Variants in NET1 observed in about 807,000 individuals in gnomAD.
NET1 encodes neuroepithelial cell-transforming gene 1 protein.
In NET1, 42 loss-of-function variants were observed where a neutral mutation model predicts 61.1. The observed-to-expected ratio is 0.69, with a 90% CI of 0.54 to 0.89. NET1 has a LOEUF of 0.89. Ranked by LOEUF, NET1 falls within the 40% of genes least tolerant of loss-of-function variation. NET1 has a pLI of 0.00. For missense variants in NET1, 654 were observed against 747.3 expected (o/e 0.88, Z 1.46); for synonymous variants, 254 against 281.8 (o/e 0.90, Z 0.99).
chr10:5,421,120 A>G lies in NET1; in HGVS notation c.129-5535A>G, dbSNP rs1832168841. Among the ~76,000 whole-genome samples, 1 of 152,238 alleles carries G rather than the reference A, an allele frequency of 6.6e-6. No homozygotes were observed. Among genetic ancestry groups the G allele is most frequent in the African/African-American group, 2.4e-5 (1 of 41,464 alleles). ...ACGTTTAAAGATTTTAGGCATTAAA[A>G]GCAGTCAGACTTCCTAGGTTCAAAT... On this transcript the variant is annotated intron_variant, in intron 1 of 11. Coordinates refer to ENST00000355029, the MANE Select transcript of NET1 (RefSeq NM_001047160.3). This position sits in a 1 kb window ranked among gnomAD's most constrained non-coding sequence, Gnocchi z 4.2.
At chr10:5,448,671 G>GTTTTTT (rs1221324010) in intron 3 of NET1, among the ~76,000 whole-genome samples, 2 of 29,670 alleles carry the variant, frequency 6.7e-5, no homozygotes, top group Admixed American at 5.2e-4. Context: ...TGGATTTTTG[G>GTTTTTT]ATTTTTTTTT....
chr10:5,431,899 T>C lies in NET1; in HGVS notation c.255+2670T>C, dbSNP rs1394044853. 1.3e-5 allele frequency among the ~76,000 whole-genome samples: 2 copies of C among 152,196 alleles called. No individual in the cohort carries two copies. The highest frequency in any genetic ancestry group is 4.8e-5 in the African/African-American group (2 of 41,450). On this transcript the variant is annotated intron_variant, in intron 3 of 11. Coordinates refer to ENST00000355029, the MANE Select transcript of NET1 (RefSeq NM_001047160.3). The surrounding 1 kb of genome is among the most constrained non-coding windows in gnomAD (Gnocchi z 4.9). ...GATTACAGGCATGAGCCACCACGCC[T>C]GGCCTCATTTCAGTTATTCTTACTG... is the stretch of plus-strand genomic sequence containing the variant.
Position 5,457,062 on chromosome 10 carries a change from CGTAAG to C in NET1, c.*70_*74del. The C allele has an allele frequency of 7.0e-7, 1 of 1,437,618 alleles. No homozygotes were observed. Among genetic ancestry groups the C allele is most frequent in the Non-Finnish European group, 9.3e-7 (1 of 1,080,100 alleles). The allele number at this position is 1,437,618 out of a possible 1,614,324, so 89.1% of individuals were successfully genotyped here. Reference sequence around the variant, plus strand: ...ATAAATGTGTACAGTTTTGTTTTCTCGTAAGGGGAGCATCATAGGGTTACTTTATA... The same window carrying C: ...ATAAATGTGTACAGTTTTGTTTTCTCGGGAGCATCATAGGGTTACTTTATA... On this transcript the variant is annotated 3_prime_UTR_variant, in exon 12 of 12. Transcript: ENST00000355029. The surrounding 1 kb of genome is among the most constrained non-coding windows in gnomAD (Gnocchi z 5.4).
rs1420462848 is a variant in NET1, at chr10:5,421,651, G to A, written c.129-5004G>A. ...ACTATGTTTTTAAATAGTTTATTGA[G>A]ATATGATTTGTATATCATAACATTC... On this transcript the variant is annotated intron_variant, in intron 1 of 11. Coordinates refer to ENST00000355029, the MANE Select transcript of NET1 (RefSeq NM_001047160.3). This position sits in a 1 kb window ranked among gnomAD's most constrained non-coding sequence, Gnocchi z 4.2. 2.0e-5 allele frequency among the ~76,000 whole-genome samples: 3 copies of A among 152,184 alleles called. No homozygotes were observed. Among genetic ancestry groups the A allele is most frequent in the African/African-American group, 7.2e-5 (3 of 41,436 alleles).
rs1241699447 is a variant in NET1, at chr10:5,415,969, A to G, written c.128+3149A>G. On this transcript the variant is annotated intron_variant, in intron 1 of 11. Transcript: ENST00000355029. This position sits in a 1 kb window ranked among gnomAD's most constrained non-coding sequence, Gnocchi z 4.7. ...GTCACATCCAAGAAATCACTGCTAA[A>G]TCCATTGTTATGAATCCTTTCCCCA... Among the ~76,000 whole-genome samples, 1 of 152,196 alleles carries G rather than the reference A, an allele frequency of 6.6e-6. No individual in the cohort carries two copies. The highest frequency in any genetic ancestry group is 2.4e-5 in the African/African-American group (1 of 41,446).
chr10:5,416,998 T>C lies in NET1; in HGVS notation c.128+4178T>C, dbSNP rs1000642379. Among the ~76,000 whole-genome samples the C allele has an allele frequency of 2.6e-5, 4 of 152,210 alleles. No individual in the cohort carries two copies. The highest frequency in any genetic ancestry group is 9.6e-5 in the African/African-American group (4 of 41,462). On this transcript the variant is annotated intron_variant, in intron 1 of 11. Transcript: ENST00000355029. This position sits in a 1 kb window ranked among gnomAD's most constrained non-coding sequence, Gnocchi z 6.1. ...TGTACTGGAACAATCAGATGACACG[T>C]TGGCTTGGATAATGATTGCAAGCTT...
chr10:5,455,538 C>T lies in NET1; in HGVS notation c.1197+420C>T, dbSNP rs1832782577. 6.6e-6 allele frequency among the ~76,000 whole-genome samples: 1 copy of T among 152,146 alleles called. No individual in the cohort carries two copies. Among genetic ancestry groups the T allele is most frequent in the Admixed American group, 6.5e-5 (1 of 15,280 alleles). On this transcript the variant is annotated intron_variant, in intron 10 of 11. Coordinates refer to ENST00000355029, the MANE Select transcript of NET1 (RefSeq NM_001047160.3). The surrounding 1 kb of genome is among the most constrained non-coding windows in gnomAD (Gnocchi z 6.5). ...TTTTTAAATGCTAATTATAAAAGTA[C>T]CTGCTAGAACTAAGTGCAGTCACGG...
Position 5,457,043 on chromosome 10 carries a change from G to A in NET1, c.*49G>A, listed in dbSNP as rs777451795. The A allele has an allele frequency of 1.3e-6, 2 of 1,497,228 alleles. No individual in the cohort carries two copies. The highest frequency in any genetic ancestry group is 1.8e-6 in the Non-Finnish European group (2 of 1,123,062). The allele number at this position is 1,497,228 out of a possible 1,614,324, so 92.7% of individuals were successfully genotyped here. ...TGGGAGAGACTGTTTGTTTATAAAT[G>A]TGTACAGTTTTGTTTTCTCGTAAGG... On this transcript the variant is annotated 3_prime_UTR_variant, in exon 12 of 12. Transcript: ENST00000355029. The surrounding 1 kb of genome is among the most constrained non-coding windows in gnomAD (Gnocchi z 5.4).
At position 5,455,281 on chromosome 10, in the gene NET1, GAT is replaced by G. The variant is rs1832777626; in HGVS notation, c.1197+165_1197+166del. 6.6e-6 allele frequency among the ~76,000 whole-genome samples: 1 copy of G among 152,104 alleles called. No individual in the cohort carries two copies. The stretch of plus-strand genomic sequence containing the variant: ...CCAGCTTGATAAAGCCAACAAAGAA[GAT>G]ACCTTAAATGTCTCAGTGGAGAATC... On this transcript the variant is annotated intron_variant, in intron 10 of 11. Coordinates refer to ENST00000355029, the MANE Select transcript of NET1 (RefSeq NM_001047160.3). This position sits in a 1 kb window ranked among gnomAD's most constrained non-coding sequence, Gnocchi z 6.5.
In NET1 at chr10:5,456,423, C is replaced by A; in HGVS notation, c.1384+150C>A. The A allele has an allele frequency of 9.7e-7, 1 of 1,027,106 alleles. No homozygotes were observed. Among genetic ancestry groups the A allele is most frequent in the Non-Finnish European group, 1.4e-6 (1 of 722,408 alleles). 63.6% of individuals were successfully genotyped at this position (1,027,106 alleles called of 1,614,324 possible). A position where few individuals can be genotyped will look rare whatever the true frequency, so the allele number is the denominator to read the frequency against. ...GTTGTCCAGGCCTTCCCAGCTCGAA[C>A]ACCCGCAGGTGTATCTAAGAAATAA... On this transcript the variant is annotated intron_variant, in intron 11 of 11. Transcript: ENST00000355029. The surrounding 1 kb of genome is among the most constrained non-coding windows in gnomAD (Gnocchi z 7.0).
intron 3 of NET1, among the ~76,000 whole-genome samples, chr10:5,432,782 G>T (rs1007921220): frequency 6.9e-6 from 1 of 145,444 alleles, no homozygotes; most frequent in Non-Finnish European, 1.5e-5. Context: ...TATATATATA[G>T]TATTCCACTT....
At position 5,454,097 on chromosome 10, in the gene NET1, T is replaced by C. The variant is rs1229925544; in HGVS notation, c.769-168T>C. Among the ~76,000 whole-genome samples, 1 of 152,216 alleles carries C rather than the reference T, an allele frequency of 6.6e-6. No homozygotes were observed. Among genetic ancestry groups the C allele is most frequent in the Admixed American group, 6.5e-5 (1 of 15,288 alleles). Reference sequence around the variant, plus strand: ...TATGAAAATTTGAAGAGCATTTTGATGATTGCTAAAATGCTATTCAGCTTC... The same window carrying C: ...TATGAAAATTTGAAGAGCATTTTGACGATTGCTAAAATGCTATTCAGCTTC... On this transcript the variant is annotated intron_variant, in intron 8 of 11. Coordinates refer to ENST00000355029, the MANE Select transcript of NET1 (RefSeq NM_001047160.3). This position sits in a 1 kb window ranked among gnomAD's most constrained non-coding sequence, Gnocchi z 8.1.
At chr10:5,432,633 G>A (rs973488173) in intron 3 of NET1, among the ~76,000 whole-genome samples, 1 of 151,694 alleles carries the variant, frequency 6.6e-6, no homozygotes, top group Admixed American at 6.6e-5. Context: ...ACAGAATTAT[G>A]TAGAATTTTG....
chr10:5,451,903 A>G lies in NET1; in HGVS notation c.329A>G (p.Asn110Ser). ...SLANLISPVR[N>S]GAVRRFGQTI... is the part of the protein sequence containing the mutation. Reference sequence around the variant, plus strand: ...GCAAATTTAATCTCTCCTGTAAGAAATGGAGCTGTCAGACGTTTTGGTCAA... The same window carrying G: ...GCAAATTTAATCTCTCCTGTAAGAAGTGGAGCTGTCAGACGTTTTGGTCAA... The change falls in exon 4 of 12, where the codon AAT (asparagine) becomes AGT (serine). Residue 110 changes from asparagine (N) to serine (S), a missense_variant. By Grantham distance (46) the Asn-to-Ser change is conservative. Coordinates refer to ENST00000355029, the MANE Select transcript of NET1 (RefSeq NM_001047160.3). This position sits in a 1 kb window ranked among gnomAD's most constrained non-coding sequence, Gnocchi z 6.1. 1 of 1,614,036 alleles carries G rather than the reference A, an allele frequency of 6.2e-7. No homozygotes were observed. The highest frequency in any genetic ancestry group is 8.5e-7 in the Non-Finnish European group (1 of 1,179,940).
In NET1 at chr10:5,454,834, A is replaced by T; in HGVS notation, c.1027-114A>T. On this transcript the variant is annotated intron_variant, in intron 9 of 11. Transcript: ENST00000355029. The surrounding 1 kb of genome is among the most constrained non-coding windows in gnomAD (Gnocchi z 8.1). Reference sequence around the variant, plus strand: ...AGACTGGCAGAATTAACTGATTTCTAGAGTCCCTTCAAGCTTTAAAGTTCT... The same window carrying T: ...AGACTGGCAGAATTAACTGATTTCTTGAGTCCCTTCAAGCTTTAAAGTTCT... The T allele has an allele frequency of 1.0e-6, 1 of 978,178 alleles. No individual in the cohort carries two copies. Among genetic ancestry groups the T allele is most frequent in the Non-Finnish European group, 1.5e-6 (1 of 654,124 alleles). 60.6% of individuals were successfully genotyped at this position (978,178 alleles called of 1,614,324 possible).
intron 3 of NET1, among the ~76,000 whole-genome samples, chr10:5,429,823 T>A (rs1206686831): frequency 1.3e-5 from 2 of 152,198 alleles, no homozygotes. Context: ...ATTACTAACA[T>A]CATTTTTGCC....
rs1832795335 is a variant in NET1, at chr10:5,456,215, G to C, written c.1326G>C (p.Gln442His). Residue 442 changes from glutamine (Q) to histidine (H), a missense_variant, in exon 11 of 12, where the codon CAG (glutamine) becomes CAC (histidine). Coordinates refer to ENST00000355029, the MANE Select transcript of NET1 (RefSeq NM_001047160.3). This position sits in a 1 kb window ranked among gnomAD's most constrained non-coding sequence, Gnocchi z 7.0. ...PVQELVLEDLQDGDVRMGGSF... is the reference protein window; with the variant it reads ...PVQELVLEDLHDGDVRMGGSF... ...AAGAGCTAGTCCTAGAAGACCTGCA[G>C]GATGGAGATGTGAGAATGGGAGGCT... 6.2e-7 allele frequency: 1 copy of C among 1,614,190 alleles called. No individual in the cohort carries two copies. The highest frequency in any genetic ancestry group is 8.5e-7 in the Non-Finnish European group (1 of 1,180,014).
At position 5,416,600 on chromosome 10, in the gene NET1, A is replaced by G. The variant is rs1832085498; in HGVS notation, c.128+3780A>G. 6.6e-6 allele frequency among the ~76,000 whole-genome samples: 1 copy of G among 152,206 alleles called. No homozygotes were observed. Among genetic ancestry groups the G allele is most frequent in the East Asian group, 1.9e-4 (1 of 5,194 alleles). On this transcript the variant is annotated intron_variant, in intron 1 of 11. Transcript: ENST00000355029. This position sits in a 1 kb window ranked among gnomAD's most constrained non-coding sequence, Gnocchi z 6.1. The stretch of plus-strand genomic sequence containing the variant: ...CAGTGTTTTGTAGTTTTCAGAGTAT[A>G]GTTCTGCATGTTTTGCTAAATTTAT...
chr10:5,456,490 C>T lies in NET1; in HGVS notation c.1385-98C>T. 1 of 1,233,134 alleles carries T rather than the reference C, an allele frequency of 8.1e-7. No homozygotes were observed. Among genetic ancestry groups the T allele is most frequent in the East Asian group, 2.4e-5 (1 of 41,516 alleles). 76.4% of individuals were successfully genotyped at this position (1,233,134 alleles called of 1,614,324 possible). A position where few individuals can be genotyped will look rare whatever the true frequency, so the allele number is the denominator to read the frequency against. Reference sequence around the variant, plus strand: ...ATTCACATTGACATAAATAAATTGCCATAAATTGACAGTCACGTTAAGATT... The same window carrying T: ...ATTCACATTGACATAAATAAATTGCTATAAATTGACAGTCACGTTAAGATT... On this transcript the variant is annotated intron_variant, in intron 11 of 11. Transcript: ENST00000355029. This position sits in a 1 kb window ranked among gnomAD's most constrained non-coding sequence, Gnocchi z 7.0.
Sources: gnomAD v4.1 joint callset for allele counts (sites outside exome capture counted in the v4.1 genomes callset) on GRCh38, gnomAD v4.1.1 for gene constraint, Gnocchi (gnomAD v3.1) non-coding constraint, MANE v1.5 for transcripts, NCBI Gene and HGNC (gene_info 2026-07-23, HGNC 2026-07-21) for gene names.